The following WDR47 variants were observed in gnomAD, a reference collection of about 807,000 sequenced individuals.
WDR47 encodes the protein WD repeat-containing protein 47.
WDR47 carries 32 observed loss-of-function variants against 97.2 expected under a neutral mutation model. The ratio of observed to expected loss-of-function variants is 0.33; its 90% CI spans 0.25 to 0.44. WDR47 has a LOEUF of 0.44. WDR47 is among the 20% of genes least tolerant of loss of function. The pLI is 1.00. For missense variants in WDR47, 782 were observed against 1,102.3 expected (o/e 0.71, Z 4.11); for synonymous variants, 375 against 373.5 (o/e 1.00, Z -0.05).
At chr1:108,991,451 C>T in intron 8 of WDR47, 122 bp from the exon 9 acceptor site, 1 of 707,332 alleles carries the variant, frequency 1.4e-6, no homozygotes, top group Non-Finnish European at 2.3e-6. Context: ...TCCAAAGTTA[C>T]TCTCTGGAGA....
chr1:109,036,613 G>A (rs1456297803), intron 1 of WDR47, among the ~76,000 whole-genome samples: 2 of 151,410 alleles, frequency 1.3e-5, no homozygotes, highest in African/African-American at 4.9e-5. Flanking sequence ...GAGGCAAGCG[G>A]ATCACGGGGT....
chr1:109,019,845 C>T (rs1168619381), intron 2 of WDR47, among the ~76,000 whole-genome samples: 3 of 152,148 alleles, frequency 2.0e-5, no homozygotes, highest in Admixed American at 6.5e-5. Flanking sequence ...TCTTACACAA[C>T]GGCAATTTCC....
chr1:109,026,016 G>A (rs770456811), intron 1 of WDR47, among the ~76,000 whole-genome samples: 4 of 151,872 alleles, frequency 2.6e-5, no homozygotes, highest in Non-Finnish European at 5.9e-5. Context: ...AAGAGGATAC[G>A]GTAAAATAAG....
intron 1 of WDR47, among the ~76,000 whole-genome samples, chr1:109,034,486 AC>A (rs1399771501): frequency 5.3e-5 from 8 of 152,184 alleles, no homozygotes; most frequent in Admixed American, 4.6e-4. Context: ...GGGGTCCCCA[AC>A]CCCCAGGACA....
At chr1:108,992,219 AGAAAAT>A in intron 8 of WDR47, 1 of 800,530 alleles carries the variant, frequency 1.2e-6, no homozygotes. Context: ...AAGACCTCTT[AGAAAAT>A]TAAAATATGA....
chr1:109,009,411 T>C (rs984118893), intron 5 of WDR47, among the ~76,000 whole-genome samples: 33 of 152,260 alleles, frequency 2.2e-4, no homozygotes, highest in African/African-American at 6.3e-4. Context: ...TTAACACTTA[T>C]TTCCTTCATA....
intron 7 of WDR47, among the ~76,000 whole-genome samples, chr1:109,000,699 A>G (rs879846353): frequency 1.3e-5 from 2 of 151,930 alleles, no homozygotes; most frequent in Admixed American, 6.6e-5. Context: ...ACAAACAAAC[A>G]AAAAACAAAA....
chr1:108,973,682 A>G (rs12068459), intron 14 of WDR47, among the ~76,000 whole-genome samples: 16,526 of 151,876 alleles, frequency 0.11, 1,058 homozygotes, highest in African/African-American at 0.16. Context: ...TGGAATTCAA[A>G]ACCAGCCTGG....
intron 2 of WDR47, among the ~76,000 whole-genome samples, chr1:109,019,209 A>G (rs35667710): frequency 6.6e-6 from 1 of 151,620 alleles, no homozygotes; most frequent in South Asian, 2.1e-4. Flanking sequence ...ATGGCGAAAC[A>G]CCATCTCTAC....
intron 10 of WDR47, among the ~76,000 whole-genome samples, chr1:108,983,696 T>TAA (rs35018515): frequency 6.7e-6 from 1 of 148,158 alleles, no homozygotes; most frequent in African/African-American, 2.5e-5. Flanking sequence ...ATATACGACT[T>TAA]AAAAAAAAAA....
At chr1:109,014,062 C>G in intron 3 of WDR47, 137 bp from the exon 4 acceptor site, 1 of 581,292 alleles carries the variant, frequency 1.7e-6, no homozygotes, top group Non-Finnish European at 3.0e-6. Flanking sequence ...GAAGCCATAA[C>G]TGAAGTTCAG....
intron 4 of WDR47, among the ~76,000 whole-genome samples, chr1:109,012,090 G>T (rs888646527): frequency 1.3e-5 from 2 of 152,082 alleles, no homozygotes; most frequent in African/African-American, 4.8e-5. Context: ...TGGGACCACA[G>T]GTGTGCCACA....
chr1:108,980,978 A>C (rs1658293664), intron 13 of WDR47, among the ~76,000 whole-genome samples: 1 of 151,756 alleles, frequency 6.6e-6, no homozygotes, highest in Non-Finnish European at 1.5e-5. Flanking sequence ...AATGCAAAAA[A>C]TTAGCTGGGC....
chr1:109,011,994 A>T (rs978435598), intron 4 of WDR47, among the ~76,000 whole-genome samples: 1 of 152,136 alleles, frequency 6.6e-6, no homozygotes, highest in Admixed American at 6.6e-5. Flanking sequence ...CCCACGCTGG[A>T]GTGCAGGGGT....
chr1:108,973,579 AC>A (rs1345257955), intron 14 of WDR47, among the ~76,000 whole-genome samples: 3 of 152,230 alleles, frequency 2.0e-5, no homozygotes, highest in Non-Finnish European at 4.4e-5. Flanking sequence ...ATAACAGTAC[AC>A]AAATCCATCA....
intron 1 of WDR47, chr1:109,041,510 G>A (rs953340657): frequency 1.3e-5 from 2 of 152,304 alleles, no homozygotes; most frequent in African/African-American, 2.4e-5. Context: ...GCGGCGAGAT[G>A]GGCACGAACC....
chr1:109,012,884 A>T (rs1661152046), intron 4 of WDR47, among the ~76,000 whole-genome samples: 1 of 152,162 alleles, frequency 6.6e-6, no homozygotes, highest in African/African-American at 2.4e-5. Flanking sequence ...TTTGAACATC[A>T]TTATCTGGCA....
chr1:109,040,208 G>A (rs567256100), intron 1 of WDR47, among the ~76,000 whole-genome samples: 1 of 152,250 alleles, frequency 6.6e-6, no homozygotes, highest in South Asian at 2.1e-4. Flanking sequence ...GCAAAAGAAA[G>A]CTTAAATACA....
chr1:109,009,960 T>C (rs1660910829), intron 5 of WDR47, among the ~76,000 whole-genome samples: 1 of 151,604 alleles, frequency 6.6e-6, no homozygotes, highest in African/African-American at 2.4e-5. Context: ...ACCGTGCCAC[T>C]GCACTCCAGC....
Sources: gnomAD v4.1 joint callset for allele counts (sites outside exome capture counted in the v4.1 genomes callset) on GRCh38, gnomAD v4.1.1 for gene constraint, MANE v1.5 for transcripts, NCBI Gene and HGNC (gene_info 2026-07-23, HGNC 2026-07-21) for gene names.